The following KIAA0825 variants were observed in gnomAD, a reference collection of about 807,000 sequenced individuals.
The protein encoded by KIAA0825 is uncharacterized protein KIAA0825.
A neutral mutation model predicts 147.6 loss-of-function variants in KIAA0825; 119 were observed. The observed-to-expected ratio is 0.81, with a 90% confidence interval of 0.69 to 0.94. The LOEUF is 0.94. Ranked by LOEUF, KIAA0825 falls within the 40% of genes least tolerant of loss-of-function variation. The pLI is 0.00. For missense variants in KIAA0825, 1,381 were observed against 1,472.7 expected (o/e 0.94, Z 1.02); for synonymous variants, 470 against 518.1 (o/e 0.91, Z 1.26).
Position 94,465,039 on chromosome 5 carries a change from C to G in KIAA0825, c.1893G>C (p.Ser631=). The change falls in exon 11 of 21, where the codon TCG becomes TCC. Residue 631 remains serine, a synonymous_variant. Coordinates refer to ENST00000682413, the MANE Select transcript of KIAA0825 (RefSeq NM_001145678.3). ...AFYEGERCSF[S]IQMWHYFCWS... Reference sequence around the variant, plus strand: ...AGCAGAAATAATGCCACATCTGGATCGAGAAGGAACATCTTTCCCCCTGGC... The same window carrying G: ...AGCAGAAATAATGCCACATCTGGATGGAGAAGGAACATCTTTCCCCCTGGC... 1 of 1,551,292 alleles carries G rather than the reference C, an allele frequency of 6.4e-7. No homozygotes were observed. Among genetic ancestry groups the G allele is most frequent in the Non-Finnish European group, 8.7e-7 (1 of 1,146,816 alleles).
At chr5:94,594,286 T>A (rs971408566) in intron 1 of KIAA0825, 1 of 636,550 alleles carries the variant, frequency 1.6e-6, no homozygotes, top group African/African-American at 1.8e-5. Context: ...GAGTTTCAGA[T>A]CCCATGGTTT....
At chr5:94,594,055 C>T (rs1281355534) in intron 1 of KIAA0825, 2 of 526,382 alleles carry the variant, frequency 3.8e-6, no homozygotes, top group East Asian at 1.1e-4. Flanking sequence ...CGTGCAACAT[C>T]TTAATTTCTA....
intron 20 of KIAA0825, among the ~76,000 whole-genome samples, chr5:94,320,665 C>T (rs1278878481): frequency 6.6e-6 from 1 of 151,978 alleles, no homozygotes; most frequent in Non-Finnish European, 1.5e-5. Context: ...CTATCTACCC[C>T]TCTACAGCCT....
At chr5:94,238,923 G>T (rs1447024149) in intron 20 of KIAA0825, among the ~76,000 whole-genome samples, 6 of 152,164 alleles carry the variant, frequency 3.9e-5, no homozygotes, top group African/African-American at 1.2e-4. Flanking sequence ...CTAAGAAACT[G>T]TGGCACATTT....
chr5:94,197,848 G>A (rs556070573), intron 20 of KIAA0825, among the ~76,000 whole-genome samples: 2 of 152,294 alleles, frequency 1.3e-5, no homozygotes, highest in East Asian at 3.9e-4. Flanking sequence ...CTTTGTATCA[G>A]TACCATGCTG....
At chr5:94,295,019 TAACTTG>T (rs1216199286) in intron 20 of KIAA0825, among the ~76,000 whole-genome samples, 1 of 152,152 alleles carries the variant, frequency 6.6e-6, no homozygotes, top group East Asian at 1.9e-4. Context: ...GAGTGTTTTC[TAACTTG>T]GTTCCATTCA....
intron 16 of KIAA0825, among the ~76,000 whole-genome samples, chr5:94,402,247 G>A (rs1239738160): frequency 6.6e-6 from 1 of 152,102 alleles, no homozygotes; most frequent in Non-Finnish European, 1.5e-5. Flanking sequence ...GAATTCCAAA[G>A]TGCTTAGAAA....
At chr5:94,288,764 C>G (rs557307707) in intron 20 of KIAA0825, among the ~76,000 whole-genome samples, 7 of 152,260 alleles carry the variant, frequency 4.6e-5, no homozygotes, top group Non-Finnish European at 8.8e-5. Context: ...AGTCAAACAA[C>G]GTGCCAATTC....
intron 1 of KIAA0825, chr5:94,615,548 A>G (rs1790214303): frequency 1.3e-5 from 2 of 152,172 alleles, no homozygotes; most frequent in African/African-American, 2.4e-5. Context: ...AATAATACTT[A>G]CCCACTGTGC....
intron 3 of KIAA0825, among the ~76,000 whole-genome samples, chr5:94,525,625 T>C (rs557254148): frequency 6.6e-6 from 1 of 152,064 alleles, no homozygotes; most frequent in East Asian, 1.9e-4. Context: ...GCATACCCCT[T>C]GACTCTAGGG....
intron 20 of KIAA0825, among the ~76,000 whole-genome samples, chr5:94,336,618 T>C (rs1584161752): frequency 1.3e-5 from 2 of 152,168 alleles, no homozygotes; most frequent in East Asian, 3.9e-4. Context: ...TGCATAGTAT[T>C]CCATGGTGTA....
At chr5:94,579,167 A>G (rs1426653880) in intron 2 of KIAA0825, among the ~76,000 whole-genome samples, 2 of 151,966 alleles carry the variant, frequency 1.3e-5, no homozygotes, top group Non-Finnish European at 2.9e-5. Context: ...TGATCTGCCC[A>G]CCTCGGCCTC....
intron 2 of KIAA0825, among the ~76,000 whole-genome samples, chr5:94,551,928 T>C (rs141018834): frequency 7.6e-4 from 115 of 152,110 alleles, no homozygotes; most frequent in Non-Finnish European, 1.5e-3. Flanking sequence ...TCCTCACTTA[T>C]CAATAATAAC....
At chr5:94,248,075 A>G (rs946772162) in intron 20 of KIAA0825, among the ~76,000 whole-genome samples, 1 of 152,166 alleles carries the variant, frequency 6.6e-6, no homozygotes, top group African/African-American at 2.4e-5. Context: ...AAAGCAAAGA[A>G]AGCAATAAAG....
intron 2 of KIAA0825, among the ~76,000 whole-genome samples, chr5:94,538,392 G>C (rs1031234618): frequency 3.8e-4 from 58 of 152,320 alleles, no homozygotes; most frequent in African/African-American, 1.4e-3. Flanking sequence ...TGATTGCTTT[G>C]GCCAAGAAAT....
chr5:94,442,619 A>T (rs1237485144), intron 13 of KIAA0825, among the ~76,000 whole-genome samples: 1 of 152,144 alleles, frequency 6.6e-6, no homozygotes, highest in African/African-American at 2.4e-5. Flanking sequence ...CCCTACTTCC[A>T]TCCTAAACCC....
At chr5:94,354,012 C>G (rs1783983950) in intron 20 of KIAA0825, among the ~76,000 whole-genome samples, 1 of 152,110 alleles carries the variant, frequency 6.6e-6, no homozygotes, top group Non-Finnish European at 1.5e-5. Flanking sequence ...TTTAGTAATA[C>G]AGCAAATTCT....
chr5:94,566,833 A>C (rs1778801928), intron 2 of KIAA0825, among the ~76,000 whole-genome samples: 1 of 152,174 alleles, frequency 6.6e-6, no homozygotes, highest in South Asian at 2.1e-4. Context: ...TCTCAATTTT[A>C]ATTTTTAGTA....
intron 20 of KIAA0825, among the ~76,000 whole-genome samples, chr5:94,367,966 A>T (rs576376375): frequency 6.6e-5 from 10 of 152,358 alleles, no homozygotes; most frequent in Admixed American, 6.5e-4. Context: ...TTAATTTGGT[A>T]TAAAGCTAAG....
Sources: allele counts gnomAD v4.1 joint callset (sites outside exome capture counted in the v4.1 genomes callset), GRCh38; gene constraint gnomAD v4.1.1; transcripts MANE v1.5; gene names NCBI Gene and HGNC (gene_info 2026-07-23, HGNC 2026-07-21).